The following C1GALT1 variants were observed in gnomAD, a reference collection of about 807,000 sequenced individuals.
The protein encoded by C1GALT1 is core 1 synthase, glycoprotein-N-acetylgalactosamine 3-beta-galactosyltransferase 1.
Under a neutral mutation model 31.0 loss-of-function variants are expected in C1GALT1, and 11 were observed. The ratio of observed to expected loss-of-function variants is 0.36; its 90% CI spans 0.22 to 0.59. The LOEUF (loss-of-function observed/expected upper bound fraction) is 0.59. C1GALT1 is among the 20% of genes least tolerant of loss of function. The probability of loss-of-function intolerance (pLI) is 0.79; values close to 1 mark genes in which losing one functional copy is unlikely to be tolerated. For missense variants in C1GALT1, 424 were observed against 425.2 expected, an observed-to-expected ratio of 1.00 and a Z score of 0.03; for synonymous variants, 175 against 143.6, an observed-to-expected ratio of 1.22 and a Z score of -1.56.
chr7:7,246,710 A>T lies in C1GALT1; in HGVS notation c.*2983A>T, dbSNP rs1783861424. On this transcript the variant is annotated 3_prime_UTR_variant, in exon 4 of 4. Transcript: ENST00000436587. ...CAGGGGCTAGCAGTTGTGTTTAAGC[A>T]AACTCTGCAGGTGTCTTTCTTATCC... The T allele has an allele frequency of 6.6e-6, 1 of 152,518 alleles. No homozygotes were observed. Among genetic ancestry groups the T allele is most frequent in the Non-Finnish European group, 1.5e-5 (1 of 68,216 alleles). 9.4% of individuals were successfully genotyped at this position (152,518 alleles called of 1,614,324 possible). A position where few individuals can be genotyped will look rare whatever the true frequency, so the allele number is the denominator to read the frequency against.
intron 1 of C1GALT1, among the ~76,000 whole-genome samples, chr7:7,223,312 T>G (rs1367621261): frequency 2.6e-5 from 4 of 152,094 alleles, no homozygotes; most frequent in Admixed American, 2.6e-4. Context: ...GCACCTGCCA[T>G]CAAGCCCAGC....
chr7:7,240,956 A>G (rs1382746629), intron 3 of C1GALT1, among the ~76,000 whole-genome samples: 16 of 152,066 alleles, frequency 1.1e-4, no homozygotes, highest in Non-Finnish European at 1.8e-4. Context: ...CTAATTCATG[A>G]AAGAGTTACA....
chr7:7,174,841 C>A (rs991247185), intron 2 of C1GALT1, among the ~76,000 whole-genome samples: 1 of 152,014 alleles, frequency 6.6e-6, no homozygotes. Flanking sequence ...GTTCATACAT[C>A]ATTTTCCTGG....
rs1783764142 is a variant in C1GALT1 at position 7,244,426 on chromosome 7, A to G, written c.*699A>G. ...CGCAATCTCTGTTGTCTCTTTTCTAAATGTGTTTAGCCACTCTTGAATACC... is the reference window on the plus strand; with the variant it reads ...CGCAATCTCTGTTGTCTCTTTTCTAGATGTGTTTAGCCACTCTTGAATACC... On this transcript the variant is annotated 3_prime_UTR_variant, in exon 4 of 4. Transcript: ENST00000436587. The G allele has an allele frequency of 6.6e-6, 1 of 152,086 alleles. No homozygotes were observed. The highest frequency in any genetic ancestry group is 1.5e-5 in the Non-Finnish European group (1 of 67,964). The allele number at this position is 152,086 out of a possible 1,614,324, so 9.4% of individuals were successfully genotyped here.
intron 1 of C1GALT1, among the ~76,000 whole-genome samples, chr7:7,215,575 C>T (rs111348150): frequency 0.037 from 5,648 of 152,118 alleles, 216 homozygotes; most frequent in African/African-American, 0.11. Flanking sequence ...TTTTAAACCG[C>T]GAAAGAAGGA....
intron 1 of C1GALT1, among the ~76,000 whole-genome samples, chr7:7,205,284 A>T (rs1562572439): frequency 6.6e-6 from 1 of 152,078 alleles, no homozygotes; most frequent in African/African-American, 2.4e-5. Context: ...GTAACTTTTG[A>T]CTTTTCTAAA....
intron 2 of C1GALT1, among the ~76,000 whole-genome samples, chr7:7,164,647 G>A (rs976645209): frequency 1.3e-5 from 2 of 152,134 alleles, no homozygotes; most frequent in Non-Finnish European, 2.9e-5. Context: ...TCAACCCGAC[G>A]AGGAACTCTG....
chr7:7,236,218 A>T (rs1437663701), intron 2 of C1GALT1, among the ~76,000 whole-genome samples: 1 of 152,124 alleles, frequency 6.6e-6, no homozygotes, highest in East Asian at 1.9e-4. Context: ...TGCAGCAGGA[A>T]ATGTGTCTTA....
chr7:7,236,051 C>G (rs569948193), intron 2 of C1GALT1, among the ~76,000 whole-genome samples: 14 of 152,232 alleles, frequency 9.2e-5, no homozygotes, highest in African/African-American at 3.1e-4. Flanking sequence ...TTTGTTCTAC[C>G]TAGGTCCCTA....
rs74544948 is a variant in C1GALT1 at position 7,237,401 on chromosome 7, G to A, written c.221-854G>A. ...CGCTCACTGCTTACTTAAATGGACA[G>A]TTTTAAGTTTCAGTTTTAAGCTCAC... On this transcript the variant is annotated intron_variant, in intron 2 of 3. Coordinates refer to ENST00000436587, the MANE Select transcript of C1GALT1 (RefSeq NM_020156.5). Among the ~76,000 whole-genome samples the A allele has an allele frequency of 8.1e-3, 1,228 of 152,320 alleles. 9 individuals carry two copies. Among genetic ancestry groups the A allele is most frequent in the Non-Finnish European group, 0.013 (855 of 68,032 alleles).
chr7:7,233,577 A>G (rs533860773), intron 1 of C1GALT1, among the ~76,000 whole-genome samples: 90 of 152,330 alleles, frequency 5.9e-4, no homozygotes, highest in African/African-American at 2.0e-3. Flanking sequence ...CTAGCCAGCA[A>G]ACTTTTTCTA....
At chr7:7,236,355 G>A (rs1015271773) in intron 2 of C1GALT1, among the ~76,000 whole-genome samples, 3 of 152,064 alleles carry the variant, frequency 2.0e-5, no homozygotes, top group African/African-American at 7.2e-5. Context: ...GGGGATTCCT[G>A]CATTCACTGT....
chr7:7,207,335 C>CTTTT (rs57510429), intron 1 of C1GALT1, among the ~76,000 whole-genome samples: 1,547 of 48,002 alleles, frequency 0.032, 614 homozygotes, highest in Non-Finnish European at 0.042. Context: ...TACTCTGTTG[C>CTTTT]TTTTTTTTTT....
intron 1 of C1GALT1, among the ~76,000 whole-genome samples, chr7:7,211,570 T>C (rs1343587061): frequency 6.6e-6 from 1 of 152,248 alleles, no homozygotes; most frequent in Non-Finnish European, 1.5e-5. Context: ...GTATCCCTAT[T>C]GCAAACAGTA....
intron 1 of C1GALT1, among the ~76,000 whole-genome samples, chr7:7,205,111 T>C (rs1454348061): frequency 6.6e-6 from 1 of 152,152 alleles, no homozygotes; most frequent in East Asian, 1.9e-4. Context: ...AGTGGGGTAC[T>C]GAAGTCTCCC....
chr7:7,177,365 C>T (rs1412696962), intron 2 of C1GALT1, among the ~76,000 whole-genome samples: 3 of 152,174 alleles, frequency 2.0e-5, no homozygotes, highest in African/African-American at 7.2e-5. Flanking sequence ...AAGAGAAAGA[C>T]ATGTTTTCTG....
intron 1 of C1GALT1, among the ~76,000 whole-genome samples, chr7:7,201,607 A>C (rs1236399492): frequency 6.6e-6 from 1 of 152,142 alleles, no homozygotes; most frequent in African/African-American, 2.4e-5. Context: ...AAGCGGGGGA[A>C]AGCCGGCAGT....
rs1453050501 is a variant in C1GALT1 at position 7,248,328 on chromosome 7, G to T, written c.*4601G>T. 1 of 151,760 alleles carries T rather than the reference G, an allele frequency of 6.6e-6. No individual in the cohort carries two copies. Among genetic ancestry groups the T allele is most frequent in the Non-Finnish European group, 1.5e-5 (1 of 67,818 alleles). 9.4% of individuals were successfully genotyped at this position (151,760 alleles called of 1,614,324 possible). On this transcript the variant is annotated 3_prime_UTR_variant, in exon 4 of 4. Transcript: ENST00000436587. Reference sequence around the variant, plus strand: ...GTTTATATTAAGTTTTAATAACTTTGCGGGGCCCTGCAAATTAATAATCTA... The same window carrying T: ...GTTTATATTAAGTTTTAATAACTTTTCGGGGCCCTGCAAATTAATAATCTA...
chr7:7,221,879 G>A (rs181236806), intron 1 of C1GALT1, among the ~76,000 whole-genome samples: 4 of 152,280 alleles, frequency 2.6e-5, no homozygotes, highest in South Asian at 2.1e-4. Flanking sequence ...TGTACATGCC[G>A]TGGAAGTGTC....
Sources: gnomAD v4.1 joint callset for allele counts (sites outside exome capture counted in the v4.1 genomes callset) on GRCh38, gnomAD v4.1.1 for gene constraint, MANE v1.5 for transcripts, NCBI Gene and HGNC (gene_info 2026-07-23, HGNC 2026-07-21) for gene names.